PTPRN2: variants seen among roughly 807,000 people sequenced by gnomAD.
PTPRN2 encodes protein tyrosine phosphatase receptor type N2, also known as receptor-type tyrosine-protein phosphatase N2.
A neutral mutation model predicts 118.8 loss-of-function variants in PTPRN2; 74 were observed. The ratio of observed to expected loss-of-function variants is 0.62; its 90% CI spans 0.52 to 0.76. PTPRN2 has a LOEUF of 0.76. Ranked by LOEUF, PTPRN2 falls within the 30% of genes least tolerant of loss-of-function variation. The pLI is 0.00. For missense variants in PTPRN2, 1,481 were observed against 1,394.4 expected, an observed-to-expected ratio of 1.06 and a Z score of -0.99; for synonymous variants, 641 against 608.0, an observed-to-expected ratio of 1.05 and a Z score of -0.80.
intron 11 of PTPRN2, among the ~76,000 whole-genome samples, chr7:157,995,796 G>A (rs1293248013): frequency 6.6e-5 from 10 of 152,224 alleles, no homozygotes; most frequent in African/African-American, 1.9e-4. Context: ...TGACTTCTAC[G>A]GCAAACTCAA....
intron 2 of PTPRN2, among the ~76,000 whole-genome samples, chr7:158,350,351 G>A (rs1807835354): frequency 6.6e-6 from 1 of 152,210 alleles, no homozygotes; most frequent in Admixed American, 6.5e-5. Context: ...GTGTTCCCAG[G>A]AAACATGTAC....
At chr7:158,247,984 C>G (rs576900723) in intron 3 of PTPRN2, among the ~76,000 whole-genome samples, 22 of 152,256 alleles carry the variant, frequency 1.4e-4, no homozygotes, top group African/African-American at 5.3e-4. Context: ...GAGGGGGAGG[C>G]CTTTATCCCC....
At chr7:158,285,696 G>C (rs548564880) in intron 3 of PTPRN2, among the ~76,000 whole-genome samples, 1 of 152,354 alleles carries the variant, frequency 6.6e-6, no homozygotes, top group South Asian at 2.1e-4. Context: ...TCTCAACCTT[G>C]TCTGATCAGG....
chr7:157,647,036 G>A (rs1209950754), intron 14 of PTPRN2, among the ~76,000 whole-genome samples: 106 of 87,204 alleles, frequency 1.2e-3, no homozygotes, highest in African/African-American at 2.0e-3. Flanking sequence ...TCGGTGGGTC[G>A]GACCCATCCA....
intron 9 of PTPRN2, among the ~76,000 whole-genome samples, chr7:158,128,208 C>G (rs1817855173): frequency 6.6e-6 from 1 of 152,170 alleles, no homozygotes; most frequent in Admixed American, 6.5e-5. Context: ...AAAACTTGCC[C>G]AAGAGAATCA....
At chr7:158,164,635 C>T (rs1822761679) in intron 6 of PTPRN2, among the ~76,000 whole-genome samples, 1 of 152,158 alleles carries the variant, frequency 6.6e-6, no homozygotes, top group South Asian at 2.1e-4. Flanking sequence ...GGGTTTCCCT[C>T]CCTCTGATGG....
intron 21 of PTPRN2, among the ~76,000 whole-genome samples, chr7:157,566,967 G>A (rs892960378): frequency 3.3e-5 from 5 of 152,200 alleles, no homozygotes; most frequent in Admixed American, 2.6e-4. Context: ...CACATCACAC[G>A]TTCACAAACA....
chr7:158,475,500 A>G (rs1820188216), intron 2 of PTPRN2, among the ~76,000 whole-genome samples: 2 of 152,042 alleles, frequency 1.3e-5, no homozygotes, highest in African/African-American at 4.8e-5. Flanking sequence ...AGGGACAATC[A>G]CCAAGGACGG....
In PTPRN2 at chr7:158,509,900, G is replaced by T. The variant is rs1823049829; in HGVS notation, c.113-20115C>A. ...ACCCGGCAAGCACCAACTCAAGGAT[G>T]TTCATGGCCCTCAAATGTACACTTG... On this transcript the variant is annotated intron_variant, in intron 1 of 22. Coordinates refer to ENST00000389418, the MANE Select transcript of PTPRN2 (RefSeq NM_002847.5). This position sits in a 1 kb window ranked among gnomAD's most constrained non-coding sequence, Gnocchi z 4.4. Among the ~76,000 whole-genome samples, 1 of 152,242 alleles carries T rather than the reference G, an allele frequency of 6.6e-6. No individual in the cohort carries two copies. Among genetic ancestry groups the T allele is most frequent in the Non-Finnish European group, 1.5e-5 (1 of 68,050 alleles).
rs141505969 is a variant in PTPRN2 at position 157,598,347 on chromosome 7, G to A, written c.2419-3032C>T. Among the ~76,000 whole-genome samples, 3 of 152,202 alleles carry A rather than the reference G, an allele frequency of 2.0e-5. No homozygotes were observed. Among genetic ancestry groups the A allele is most frequent in the South Asian group, 2.1e-4 (1 of 4,826 alleles). ...CCCGACACAAACTGCCCGGCTGTGGGAAAAGGCCTGTCATATCTCCAGGCC... is the reference window on the plus strand; with the variant it reads ...CCCGACACAAACTGCCCGGCTGTGGAAAAAGGCCTGTCATATCTCCAGGCC... On this transcript the variant is annotated intron_variant, in intron 16 of 22. Transcript: ENST00000389418. This position sits in a 1 kb window ranked among gnomAD's most constrained non-coding sequence, Gnocchi z 5.2.
intron 2 of PTPRN2, among the ~76,000 whole-genome samples, chr7:158,322,845 C>T (rs1452605262): frequency 6.6e-6 from 1 of 152,224 alleles, no homozygotes; most frequent in Non-Finnish European, 1.5e-5. Context: ...AACAGATCTC[C>T]CTGGCAAGGG....
rs1003988664 is a variant in PTPRN2, at chr7:158,255,535, A to G, written c.278-50262T>C. Among the ~76,000 whole-genome samples the G allele has an allele frequency of 2.5e-4, 38 of 152,348 alleles. 1 individual carries two copies. Among genetic ancestry groups the G allele is most frequent in the Admixed American group, 2.3e-3 (35 of 15,300 alleles). On this transcript the variant is annotated intron_variant, in intron 3 of 22. Transcript: ENST00000389418. ...TAAAAGTGGTTCACGGATTTGGGGAACTGCAGAGGACAGTATGTGTGTACA... is the reference window on the plus strand; with the variant it reads ...TAAAAGTGGTTCACGGATTTGGGGAGCTGCAGAGGACAGTATGTGTGTACA...
chr7:158,375,632 C>G (rs1032252379), intron 2 of PTPRN2, among the ~76,000 whole-genome samples: 1 of 152,256 alleles, frequency 6.6e-6, no homozygotes, highest in Non-Finnish European at 1.5e-5. Context: ...AACAGGCATT[C>G]CTGTTTTTGT....
chr7:157,810,792 A>G (rs113238690), intron 12 of PTPRN2, among the ~76,000 whole-genome samples: 2,488 of 114,790 alleles, frequency 0.022, 82 homozygotes, highest in African/African-American at 0.075. Context: ...CAAGGACGGC[A>G]GGACTGCTGG....
chr7:157,756,626 G>A (rs1019510675), intron 12 of PTPRN2, among the ~76,000 whole-genome samples: 7 of 152,132 alleles, frequency 4.6e-5, no homozygotes, highest in Non-Finnish European at 1.0e-4. Flanking sequence ...CAGTATCTGC[G>A]CCTGCGCTGC....
chr7:158,503,492 G>C (rs571342028), intron 1 of PTPRN2, among the ~76,000 whole-genome samples: 3 of 152,298 alleles, frequency 2.0e-5, no homozygotes, highest in African/African-American at 7.2e-5. Flanking sequence ...CTCCCCACCA[G>C]GTTTCCCAAA....
intron 14 of PTPRN2, among the ~76,000 whole-genome samples, chr7:157,637,667 C>A (rs1243809470): frequency 6.6e-6 from 1 of 152,178 alleles, no homozygotes; most frequent in African/African-American, 2.4e-5. Context: ...GGCACCCGAC[C>A]CAGGAGAAGC....
At position 157,621,152 on chromosome 7, in the gene PTPRN2, G is replaced by C. The variant is rs573593282; in HGVS notation, c.2344+210C>G. Reference sequence around the variant, plus strand: ...CCTGTAACCCAGTCCTCCCGCCCCCGGTGCTGGTATGTACAGGTCAGCACG... The same window carrying C: ...CCTGTAACCCAGTCCTCCCGCCCCCCGTGCTGGTATGTACAGGTCAGCACG... On this transcript the variant is annotated intron_variant, in intron 15 of 22. Coordinates refer to ENST00000389418, the MANE Select transcript of PTPRN2 (RefSeq NM_002847.5). 2.0e-4 allele frequency among the ~76,000 whole-genome samples: 30 copies of C among 148,170 alleles called. 1 individual carries two copies. The highest frequency in any genetic ancestry group is 6.6e-4 in the African/African-American group (26 of 39,670).
intron 11 of PTPRN2, among the ~76,000 whole-genome samples, chr7:157,966,838 C>T (rs1247592207): frequency 2.6e-5 from 4 of 152,226 alleles, no homozygotes; most frequent in African/African-American, 9.6e-5. Context: ...CCATTATCAC[C>T]ATCATCACAA....
Sources: gnomAD v4.1 joint callset for allele counts (sites outside exome capture counted in the v4.1 genomes callset) on GRCh38, gnomAD v4.1.1 for gene constraint, Gnocchi (gnomAD v3.1) non-coding constraint, MANE v1.5 for transcripts, NCBI Gene and HGNC (gene_info 2026-07-23, HGNC 2026-07-21) for gene names.